The following DHX57 variants were observed in gnomAD, a reference collection of about 807,000 sequenced individuals.
DHX57 encodes the protein putative ATP-dependent RNA helicase DHX57.
A neutral mutation model predicts 156.2 loss-of-function variants in DHX57; 105 were observed. That is an observed-to-expected ratio of 0.67 (90% CI 0.57 to 0.79). DHX57 has a LOEUF of 0.79. DHX57 is among the 30% of genes least tolerant of loss of function. The pLI, the probability that DHX57 is intolerant of heterozygous loss-of-function variation, is 0.00. For synonymous variants in DHX57, 704 were observed against 595.6 expected (o/e 1.18, Z -2.65); for missense variants, 1,847 against 1,661.9 (o/e 1.11, Z -1.94).
chr2:38,802,937 G>A lies in DHX57; in HGVS notation c.3817-22C>T, dbSNP rs914498155. On this transcript the variant is annotated intron_variant, in intron 22 of 23. Transcript: ENST00000457308. ...TCACCTGTAACAAAAAACCTCAGAT[G>A]ATGACAGTGATGTCACTGGCAACAA... is the stretch of plus-strand genomic sequence containing the variant. 2.5e-6 allele frequency: 4 copies of A among 1,613,098 alleles called. No homozygotes were observed. In the African/African-American group the frequency reaches 5.3e-5, roughly 22 times the overall value.
chr2:38,850,280 G>A (rs140286282), intron 9 of DHX57, among the ~76,000 whole-genome samples: 4 of 152,134 alleles, frequency 2.6e-5, no homozygotes, highest in African/African-American at 7.2e-5. Flanking sequence ...TATCTATAAC[G>A]TTTTTCTTAC....
intron 21 of DHX57, among the ~76,000 whole-genome samples, chr2:38,813,048 A>G (rs909923829): frequency 6.6e-6 from 1 of 151,890 alleles, no homozygotes; most frequent in African/African-American, 2.4e-5. Flanking sequence ...GGGTTTCACC[A>G]TGTTAGCCAG....
At chr2:38,807,349 C>T (rs752542589) in intron 21 of DHX57, among the ~76,000 whole-genome samples, 2 of 151,818 alleles carry the variant, frequency 1.3e-5, no homozygotes, top group African/African-American at 2.4e-5. Flanking sequence ...CCACTACAAC[C>T]GGACCAGTAA....
At chr2:38,814,146 C>T (rs1055116913) in intron 20 of DHX57, among the ~76,000 whole-genome samples, 2 of 152,134 alleles carry the variant, frequency 1.3e-5, no homozygotes, top group African/African-American at 2.4e-5. Flanking sequence ...CCATGTTGGC[C>T]AGGCTGGTCT....
At chr2:38,863,671 A>T (rs563494367) in intron 2 of DHX57, 152 bp from the exon 3 acceptor site, 1 of 773,220 alleles carries the variant, frequency 1.3e-6, no homozygotes, top group African/African-American at 1.7e-5. Context: ...TCCATTTTCT[A>T]TAGTATTTAC....
intron 22 of DHX57, among the ~76,000 whole-genome samples, chr2:38,804,979 T>C (rs1669871662): frequency 6.6e-6 from 1 of 152,200 alleles, no homozygotes; most frequent in African/African-American, 2.4e-5. Flanking sequence ...AACATAAGCT[T>C]CTTGAGGGCA....
chr2:38,871,465 G>C (rs1377331988), intron 1 of DHX57, among the ~76,000 whole-genome samples: 1 of 152,138 alleles, frequency 6.6e-6, no homozygotes. Context: ...AAGGAATAGA[G>C]CTATATAAAA....
intron 9 of DHX57, among the ~76,000 whole-genome samples, chr2:38,849,577 C>A (rs1414870843): frequency 2.0e-5 from 3 of 151,970 alleles, no homozygotes; most frequent in Non-Finnish European, 4.4e-5. Flanking sequence ...CTGATTGTGC[C>A]ACTCTTCTGC....
intron 13 of DHX57, among the ~76,000 whole-genome samples, chr2:38,834,408 ATAACT>A (rs1054143274): frequency 6.6e-6 from 1 of 151,992 alleles, no homozygotes; most frequent in African/African-American, 2.4e-5. Flanking sequence ...TACTACTGTA[ATAACT>A]TTATTTAAAA....
intron 22 of DHX57, among the ~76,000 whole-genome samples, chr2:38,803,198 G>A (rs1434480478): frequency 6.6e-6 from 1 of 151,490 alleles, no homozygotes; most frequent in African/African-American, 2.4e-5. Flanking sequence ...GGCTGGTCTC[G>A]AACTCCTGGG....
At chr2:38,826,758 T>A in intron 14 of DHX57, 69 bp from the exon 15 acceptor site, 1 of 1,518,214 alleles carries the variant, frequency 6.6e-7, no homozygotes, top group Non-Finnish European at 8.9e-7. Flanking sequence ...AGTAGGTGAA[T>A]TTCTACTAAA....
At chr2:38,824,544 C>T (rs188394892) in intron 16 of DHX57, among the ~76,000 whole-genome samples, 3 of 152,280 alleles carry the variant, frequency 2.0e-5, no homozygotes, top group Non-Finnish European at 2.9e-5. Context: ...ACATGATTAA[C>T]TTAGATAGTT....
At chr2:38,850,275 A>G (rs1285093859) in intron 9 of DHX57, among the ~76,000 whole-genome samples, 2 of 152,144 alleles carry the variant, frequency 1.3e-5, no homozygotes, top group African/African-American at 2.4e-5. Context: ...CACTTTATCT[A>G]TAACGTTTTT....
chr2:38,868,880 C>A (rs561664677), intron 1 of DHX57, among the ~76,000 whole-genome samples: 7 of 152,144 alleles, frequency 4.6e-5, no homozygotes, highest in Non-Finnish European at 5.9e-5. Flanking sequence ...CAGCTCACTG[C>A]AACCTCTGCC....
rs1011858742 is a variant in DHX57 at position 38,863,475 on chromosome 2, C to A, written c.269G>T (p.Trp90Leu). ...AAGGGGTACTTTGGCTTTGGGTTTC[C>A]ATTTTGGGCGTGACTCTCCTTTGCT... ...NISKGESRPK[W>L]KPKAKVPLQT... Residue 90 changes from tryptophan to leucine, a missense_variant, in exon 3 of 24, where the codon TGG (tryptophan) becomes TTG (leucine). Coordinates refer to ENST00000457308, the MANE Select transcript of DHX57 (RefSeq NM_198963.3). 5.0e-6 allele frequency: 8 copies of A among 1,614,030 alleles called. No homozygotes were observed. Among genetic ancestry groups the A allele is most frequent in the Non-Finnish European group, 6.8e-6 (8 of 1,179,996 alleles).
At chr2:38,867,595 G>A (rs1386389470) in intron 2 of DHX57, among the ~76,000 whole-genome samples, 2 of 152,158 alleles carry the variant, frequency 1.3e-5, no homozygotes, top group African/African-American at 4.8e-5. Flanking sequence ...GTCTCACTCT[G>A]TCACCCAGGC....
At position 38,861,770 on chromosome 2, in the gene DHX57, G is replaced by C; in HGVS notation, c.640C>G (p.Leu214Val). Residue 214 changes from leucine (L) to valine (V), a missense_variant, in exon 5 of 24, where the codon CTA becomes GTA. By Grantham distance (32) the Leu-to-Val change is conservative. Transcript: ENST00000457308. ...AAACACTGGGTAAGGAGATGCTCTA[G>C]TGATGCTCCCACATCTCCATCACAC... The part of the protein sequence containing the change: ...RMCDGDVGAS[L>V]EHLLTQCFSE... 1 of 1,614,122 alleles carries C rather than the reference G, an allele frequency of 6.2e-7. No homozygotes were observed. The highest frequency in any genetic ancestry group is 8.5e-7 in the Non-Finnish European group (1 of 1,180,004).
At chr2:38,845,865 CT>C (rs5830544) in intron 11 of DHX57, among the ~76,000 whole-genome samples, 41,187 of 136,972 alleles carry the variant, frequency 0.3, 4,988 homozygotes, top group Admixed American at 0.34. Context: ...TAATAGCTAA[CT>C]TTTTTTTTTT....
chr2:38,847,511 A>G (rs558314595), intron 10 of DHX57, among the ~76,000 whole-genome samples: 2 of 152,326 alleles, frequency 1.3e-5, no homozygotes, highest in Middle Eastern at 3.4e-3. Context: ...TTAGTATTCA[A>G]TTGAAGAAGG....
Sources: gnomAD v4.1 joint callset for allele counts (sites outside exome capture counted in the v4.1 genomes callset) on GRCh38, gnomAD v4.1.1 for gene constraint, MANE v1.5 for transcripts, NCBI Gene and HGNC (gene_info 2026-07-23, HGNC 2026-07-21) for gene names.